The following CCSER1 variants were observed in gnomAD, a reference collection of about 807,000 sequenced individuals.
CCSER1 encodes serine-rich coiled-coil domain-containing protein 1.
Under a neutral mutation model 82.0 loss-of-function variants are expected in CCSER1, and 41 were observed. The observed-to-expected ratio is 0.50, with a 90% confidence interval of 0.39 to 0.65. CCSER1 has a LOEUF of 0.65. Among genes scored for constraint, CCSER1 ranks in the 30% least tolerant of loss-of-function variants. The probability of loss-of-function intolerance (pLI) is 0.00; values close to 1 mark genes in which losing one functional copy is unlikely to be tolerated. For synonymous variants in CCSER1, 414 were observed against 383.9 expected, an observed-to-expected ratio of 1.08 and a Z score of -0.92; for missense variants, 1,119 against 1,064.2, an observed-to-expected ratio of 1.05 and a Z score of -0.72.
At chr4:90,828,272 G>A (rs1760719214) in intron 8 of CCSER1, among the ~76,000 whole-genome samples, 2 of 152,110 alleles carry the variant, frequency 1.3e-5, no homozygotes, top group African/African-American at 4.8e-5. Context: ...TTTCAGCTGA[G>A]AAAGCAAATT....
chr4:90,709,375 C>T (rs1264660958), intron 6 of CCSER1, among the ~76,000 whole-genome samples: 1 of 151,890 alleles, frequency 6.6e-6, no homozygotes. Context: ...ACAGAGCATC[C>T]CATCACCTAG....
intron 10 of CCSER1, among the ~76,000 whole-genome samples, chr4:91,305,902 C>T (rs750352836): frequency 1.3e-5 from 2 of 151,192 alleles, no homozygotes; most frequent in East Asian, 4.0e-4. Flanking sequence ...TCTTGTGAGA[C>T]CCCCCCTCAC....
chr4:90,473,339 C>G (rs890179660), intron 5 of CCSER1, among the ~76,000 whole-genome samples: 18 of 152,050 alleles, frequency 1.2e-4, no homozygotes, highest in Non-Finnish European at 2.2e-4. Context: ...AAAAATTATT[C>G]TATTACTTCT....
rs1245283875 is a variant in CCSER1, at chr4:90,654,667, C to T, written c.1932+26435C>T. ...TTCATTCAAAACCACTTATTTAGCC[C>T]TTTATTGTACGCCTAACCCTCTCTC... On this transcript the variant is annotated intron_variant, in intron 6 of 10. Coordinates refer to ENST00000509176, the MANE Select transcript of CCSER1 (RefSeq NM_001145065.2). 3.3e-5 allele frequency among the ~76,000 whole-genome samples: 5 copies of T among 152,078 alleles called. No individual in the cohort carries two copies. The East Asian group carries it at 9.7e-4, about 29-fold the overall frequency.
At chr4:91,451,624 A>G (rs931559929) in intron 10 of CCSER1, among the ~76,000 whole-genome samples, 1 of 151,946 alleles carries the variant, frequency 6.6e-6, no homozygotes, top group African/African-American at 2.4e-5. Context: ...TTCTCCAAAT[A>G]ACCAAAAAGA....
intron 7 of CCSER1, among the ~76,000 whole-genome samples, chr4:90,730,483 C>T (rs930550255): frequency 1.3e-5 from 2 of 152,152 alleles, no homozygotes; most frequent in South Asian, 2.1e-4. Context: ...TATTCTAAGG[C>T]ATTGGTATGT....
intron 10 of CCSER1, among the ~76,000 whole-genome samples, chr4:91,378,033 C>T (rs778490403): frequency 1.2e-3 from 188 of 152,264 alleles, no homozygotes; most frequent in Non-Finnish European, 1.9e-3. Flanking sequence ...TTGTTTTTGT[C>T]AGATTTGTCA....
chr4:90,454,724 A>T (rs1347017204), intron 4 of CCSER1, among the ~76,000 whole-genome samples: 2 of 152,174 alleles, frequency 1.3e-5, no homozygotes, highest in Non-Finnish European at 2.9e-5. Context: ...TTTCCACAGT[A>T]GTCAGGATCT....
At chr4:90,898,838 G>A (rs550952953) in intron 8 of CCSER1, among the ~76,000 whole-genome samples, 2 of 151,394 alleles carry the variant, frequency 1.3e-5, no homozygotes, top group South Asian at 2.1e-4. Flanking sequence ...ATACTGTCTT[G>A]GTTATTAGAG....
intron 7 of CCSER1, among the ~76,000 whole-genome samples, chr4:90,761,399 G>A (rs1315564303): frequency 6.6e-6 from 1 of 151,932 alleles, no homozygotes; most frequent in Non-Finnish European, 1.5e-5. Context: ...GAATGAATAG[G>A]GAAAATACAG....
chr4:90,459,892 G>A (rs1762658317), intron 4 of CCSER1, among the ~76,000 whole-genome samples: 1 of 152,086 alleles, frequency 6.6e-6, no homozygotes. Context: ...ACATACTAAA[G>A]TGTTTTGAGT....
intron 1 of CCSER1, among the ~76,000 whole-genome samples, chr4:90,298,363 G>A (rs1025115633): frequency 2.6e-5 from 4 of 151,496 alleles, no homozygotes; most frequent in Admixed American, 1.3e-4. Flanking sequence ...TTTTTCTTGC[G>A]TCTATTTGAT....
chr4:90,568,667 G>T (rs1336328372), intron 5 of CCSER1, among the ~76,000 whole-genome samples: 3 of 151,216 alleles, frequency 2.0e-5, no homozygotes, highest in African/African-American at 4.9e-5. Context: ...GATAATTATT[G>T]ATAGGTAAGT....
intron 5 of CCSER1, among the ~76,000 whole-genome samples, chr4:90,501,115 T>C (rs1247067436): frequency 6.6e-6 from 1 of 152,126 alleles, no homozygotes; most frequent in East Asian, 1.9e-4. Flanking sequence ...AAATGACATA[T>C]CGATGAGGAA....
chr4:90,389,289 GA>G lies in CCSER1; in HGVS notation c.1510-10740del, dbSNP rs1403154265. On this transcript the variant is annotated intron_variant, in intron 3 of 10. Coordinates refer to ENST00000509176, the MANE Select transcript of CCSER1 (RefSeq NM_001145065.2). ...GTGAGGCTGACATGACAACTTTAGG[GA>G]AAAAAAGCAAGCATTACTCGGAAAT... Among the ~76,000 whole-genome samples the G allele has an allele frequency of 3.3e-5, 5 of 152,144 alleles. No individual in the cohort carries two copies. In the South Asian group the frequency reaches 6.2e-4, roughly 19 times the overall value.
chr4:91,384,754 A>AC (rs1275244932), intron 10 of CCSER1, among the ~76,000 whole-genome samples: 1 of 152,098 alleles, frequency 6.6e-6, no homozygotes, highest in African/African-American at 2.4e-5. Context: ...GACAAAGTGC[A>AC]CCGTAGGCAA....
At position 90,758,196 on chromosome 4, in the gene CCSER1, C is replaced by G. The variant is rs112214980; in HGVS notation, c.2010+34205C>G. 6.8e-3 allele frequency among the ~76,000 whole-genome samples: 1,030 copies of G among 152,248 alleles called. 16 individuals are homozygous for G. Among genetic ancestry groups the G allele is most frequent in the African/African-American group, 0.023 (976 of 41,552 alleles). On this transcript the variant is annotated intron_variant, in intron 7 of 10. Transcript: ENST00000509176. ...AGGTGATCCGCCTGCGTCGGCCTCC[C>G]AAAGTGCTGGGATTACAGGTGTGTA...
chr4:91,202,356 C>G (rs577699270), intron 10 of CCSER1, among the ~76,000 whole-genome samples: 1 of 152,102 alleles, frequency 6.6e-6, no homozygotes, highest in Admixed American at 6.6e-5. Context: ...TTCCACCTCC[C>G]TCTTTTAGTC....
At chr4:90,469,024 C>A (rs1183876716) in intron 5 of CCSER1, among the ~76,000 whole-genome samples, 1 of 151,970 alleles carries the variant, frequency 6.6e-6, no homozygotes, top group African/African-American at 2.4e-5. Flanking sequence ...AAAAAACCTG[C>A]TGAGTATTTT....
Sources: gnomAD v4.1 joint callset for allele counts (sites outside exome capture counted in the v4.1 genomes callset) on GRCh38, gnomAD v4.1.1 for gene constraint, MANE v1.5 for transcripts, NCBI Gene and HGNC (gene_info 2026-07-23, HGNC 2026-07-21) for gene names.